Variants in SBF2 observed in about 807,000 individuals in gnomAD.
SBF2 encodes the protein SET binding factor 2, also known as myotubularin-related protein 13.
In SBF2, 112 loss-of-function variants were observed where a neutral mutation model predicts 225.2. The ratio of observed to expected loss-of-function variants is 0.50; its 90% CI spans 0.43 to 0.58. The LOEUF (loss-of-function observed/expected upper bound fraction) is 0.58. SBF2 is among the 20% of genes least tolerant of loss of function. The pLI, the probability that SBF2 is intolerant of heterozygous loss-of-function variation, is 0.00. For synonymous variants in SBF2, 763 were observed against 773.3 expected, an observed-to-expected ratio of 0.99 and a Z score of 0.22; for missense variants, 1,996 against 2,206.2, an observed-to-expected ratio of 0.90 and a Z score of 1.91.
At chr11:10,231,492 G>A (rs1001181136) in intron 1 of SBF2, among the ~76,000 whole-genome samples, 1 of 152,084 alleles carries the variant, frequency 6.6e-6, no homozygotes, top group South Asian at 2.1e-4. Flanking sequence ...TTTTGGTGTG[G>A]ATGTCCTTTC....
intron 2 of SBF2, among the ~76,000 whole-genome samples, chr11:10,119,557 GGTCAAA>G (rs1459824205): frequency 4.6e-5 from 7 of 152,046 alleles, no homozygotes; most frequent in Non-Finnish European, 1.0e-4. Context: ...TGTATACACT[GGTCAAA>G]GTCATTGATA....
At chr11:9,874,863 C>G (rs558393770) in intron 17 of SBF2, among the ~76,000 whole-genome samples, 1 of 152,140 alleles carries the variant, frequency 6.6e-6, no homozygotes, top group African/African-American at 2.4e-5. Flanking sequence ...GTAGACTAAC[C>G]TATCAACCTT....
intron 18 of SBF2, among the ~76,000 whole-genome samples, 155 bp downstream of exon 18, chr11:9,858,071 A>C (rs1300053745): frequency 2.0e-5 from 3 of 152,230 alleles, no homozygotes; most frequent in Non-Finnish European, 2.9e-5. Context: ...ATAATGTCTG[A>C]AATCAACAGA....
Position 9,808,912 on chromosome 11 carries a change from TG to T in SBF2, c.4245del (p.Asp1415GlufsTer6). 1 of 1,611,048 alleles carries T rather than the reference TG, an allele frequency of 6.2e-7. No homozygotes were observed. The highest frequency in any genetic ancestry group is 1.1e-5 in the South Asian group (1 of 91,020). Reference protein sequence around the residue: ...SVLVCLEEGWDITAQVTSLVQ... With the variant: ...SVLVCLEEGWXITAQVTSLVQ... ...GTCTAATAGTTTACTTGTGCAGTGA[TG>T]TCCCAGCCTTCCTCCAAACAGACCA... On this transcript the variant is annotated frameshift_variant, in exon 31 of 40. Transcript: ENST00000256190. LOFTEE classifies it high-confidence loss of function.
At position 9,839,712 on chromosome 11, in the gene SBF2, C is replaced by T. The variant is rs1018961333; in HGVS notation, c.3257-16G>A. 6.2e-7 allele frequency: 1 copy of T among 1,608,316 alleles called. No homozygotes were observed. On this transcript the variant is annotated splice_polypyrimidine_tract_variant and intron_variant, in intron 25 of 39. Coordinates refer to ENST00000256190, the MANE Select transcript of SBF2 (RefSeq NM_030962.4). ...TCATCTGAAACTGTGATGGTAGAGACAGATATCGAAGAAATGATTAGCTCA... is the reference window on the plus strand; with the variant it reads ...TCATCTGAAACTGTGATGGTAGAGATAGATATCGAAGAAATGATTAGCTCA...
intron 1 of SBF2, among the ~76,000 whole-genome samples, chr11:10,278,555 T>C (rs1591357081): frequency 1.3e-5 from 2 of 151,768 alleles, no homozygotes; most frequent in South Asian, 4.2e-4. Context: ...CCAAGGCGGG[T>C]GGATTACCTG....
At chr11:10,279,796 C>A (rs938943213) in intron 1 of SBF2, among the ~76,000 whole-genome samples, 4 of 152,128 alleles carry the variant, frequency 2.6e-5, no homozygotes, top group Non-Finnish European at 5.9e-5. Flanking sequence ...ATTACAGGCA[C>A]GCACCACCAC....
In SBF2 at chr11:9,833,671, T is replaced by C. The variant is rs184741082; in HGVS notation, c.3456-1251A>G. Among the ~76,000 whole-genome samples the C allele has an allele frequency of 3.5e-3, 539 of 152,078 alleles. 5 individuals carry two copies. Among genetic ancestry groups the C allele is most frequent in the Non-Finnish European group, 6.1e-3 (416 of 67,972 alleles). ...TCCTGACCTCGTGATCTGCCCACCT[T>C]GGCCTCCCAAAGTGCTGGGATTACA... On this transcript the variant is annotated intron_variant, in intron 26 of 39. Coordinates refer to ENST00000256190, the MANE Select transcript of SBF2 (RefSeq NM_030962.4).
chr11:10,159,889 CA>C (rs755547336), intron 2 of SBF2, among the ~76,000 whole-genome samples: 15 of 142,232 alleles, frequency 1.1e-4, no homozygotes, highest in Non-Finnish European at 1.1e-4. Flanking sequence ...GACTCCGTCT[CA>C]AAAAAAAAAA....
intron 2 of SBF2, among the ~76,000 whole-genome samples, chr11:10,087,828 T>G (rs971881196): frequency 2.0e-5 from 3 of 152,186 alleles, no homozygotes; most frequent in African/African-American, 7.2e-5. Flanking sequence ...CAGTAAAACC[T>G]GGGTTGTTTC....
At chr11:10,108,674 G>A (rs996484208) in intron 2 of SBF2, among the ~76,000 whole-genome samples, 54 of 150,086 alleles carry the variant, frequency 3.6e-4, no homozygotes, top group Non-Finnish European at 5.2e-4. Flanking sequence ...ACAGGCGCCC[G>A]CCACCACGCC....
chr11:10,119,750 A>C (rs1953344071), intron 2 of SBF2, among the ~76,000 whole-genome samples: 1 of 152,172 alleles, frequency 6.6e-6, no homozygotes. Flanking sequence ...TCATAAAAAA[A>C]CCACCTACCT....
chr11:9,907,576 A>G (rs574567205), intron 16 of SBF2, among the ~76,000 whole-genome samples: 1 of 152,370 alleles, frequency 6.6e-6, no homozygotes, highest in South Asian at 2.1e-4. Flanking sequence ...AAAACCATAA[A>G]GGATGTACCA....
At chr11:9,975,686 AG>A (rs1392791018) in intron 13 of SBF2, among the ~76,000 whole-genome samples, 1 of 152,172 alleles carries the variant, frequency 6.6e-6, no homozygotes, top group Non-Finnish European at 1.5e-5. Flanking sequence ...ATAGGACGGG[AG>A]GGGGGTTCAA....
intron 1 of SBF2, among the ~76,000 whole-genome samples, chr11:10,230,018 T>G (rs1958761726): frequency 6.6e-6 from 1 of 152,138 alleles, no homozygotes; most frequent in Non-Finnish European, 1.5e-5. Flanking sequence ...GCATATATAT[T>G]TAGGATAGTT....
intron 8 of SBF2, among the ~76,000 whole-genome samples, chr11:10,000,042 A>G (rs572797943): frequency 1.9e-4 from 29 of 152,302 alleles, no homozygotes; most frequent in African/African-American, 7.0e-4. Flanking sequence ...CTTACACTCT[A>G]CTTACAGTGC....
intron 2 of SBF2, among the ~76,000 whole-genome samples, chr11:10,114,057 C>T (rs780634463): frequency 6.6e-6 from 1 of 152,140 alleles, no homozygotes; most frequent in South Asian, 2.1e-4. Context: ...CAAACACTGG[C>T]TCCACCATTT....
At chr11:10,135,035 G>A (rs1954279803) in intron 2 of SBF2, among the ~76,000 whole-genome samples, 1 of 152,216 alleles carries the variant, frequency 6.6e-6, no homozygotes, top group South Asian at 2.1e-4. Context: ...TGGACATCCA[G>A]GCATTTCCAC....
chr11:9,959,324 T>C, intron 16 of SBF2: 1 of 776,100 alleles, frequency 1.3e-6, no homozygotes, highest in East Asian at 2.4e-5. Flanking sequence ...ATACTACAGT[T>C]AAGATGGACC....
Sources: gnomAD v4.1 joint callset for allele counts (sites outside exome capture counted in the v4.1 genomes callset) on GRCh38, gnomAD v4.1.1 for gene constraint, MANE v1.5 for transcripts, NCBI Gene and HGNC (gene_info 2026-07-23, HGNC 2026-07-21) for gene names.